The following ACSF3 variants were observed in gnomAD, a reference collection of about 807,000 sequenced individuals.
The protein encoded by ACSF3 is acyl-CoA synthetase family member 3.
Under a neutral mutation model 53.2 loss-of-function variants are expected in ACSF3, and 78 were observed. That is an observed-to-expected ratio of 1.47 (90% confidence interval 1.22 to 1.77). ACSF3 has a LOEUF of 1.77. ACSF3 is among the 40% of genes most tolerant of loss of function. The pLI is 0.00. For missense variants in ACSF3, 937 were observed against 771.1 expected, an observed-to-expected ratio of 1.22 and a Z score of -2.55; for synonymous variants, 414 against 333.1, an observed-to-expected ratio of 1.24 and a Z score of -2.65.
intron 8 of ACSF3, among the ~76,000 whole-genome samples, chr16:89,143,710 C>A (rs556428510): frequency 2.0e-5 from 3 of 152,142 alleles, no homozygotes; most frequent in Non-Finnish European, 4.4e-5. Flanking sequence ...ACCCCAGGGG[C>A]GCAGTGAGAC....
intron 7 of ACSF3, among the ~76,000 whole-genome samples, chr16:89,125,698 A>AAAGAG (rs373857710): frequency 1.3e-3 from 186 of 147,970 alleles, no homozygotes; most frequent in Non-Finnish European, 2.4e-3. Context: ...CAAAAAAAAA[A>AAAGAG]AGAGAGAGAG....
At chr16:89,118,909 C>T (rs982574607) in intron 6 of ACSF3, among the ~76,000 whole-genome samples, 12 of 152,218 alleles carry the variant, frequency 7.9e-5, no homozygotes, top group South Asian at 2.1e-4. Context: ...TTGGCCTTTG[C>T]GGGGCCAGCC....
intron 6 of ACSF3, among the ~76,000 whole-genome samples, chr16:89,116,589 G>A (rs1905154224): frequency 6.6e-6 from 1 of 152,234 alleles, no homozygotes; most frequent in Admixed American, 6.5e-5. Context: ...ATGGCAGCGA[G>A]ATCCTCAGCT....
chr16:89,117,723 C>T (rs1905422085), intron 6 of ACSF3, among the ~76,000 whole-genome samples: 1 of 152,034 alleles, frequency 6.6e-6, no homozygotes, highest in Non-Finnish European at 1.5e-5. Context: ...CCAGGGGAGG[C>T]TCAGCTTCCC....
intron 1 of ACSF3, among the ~76,000 whole-genome samples, chr16:89,094,973 G>A (rs1309110266): frequency 6.6e-6 from 1 of 152,256 alleles, no homozygotes; most frequent in Admixed American, 6.5e-5. Context: ...GCTAGAAAGG[G>A]AACACGTTTA....
rs1185708060 is a variant in ACSF3, at chr16:89,100,230, G to C, written c.-20-432G>C. 2.0e-5 allele frequency among the ~76,000 whole-genome samples: 3 copies of C among 152,268 alleles called. No homozygotes were observed. The South Asian group carries it at 6.2e-4, about 31-fold the overall frequency. On this transcript the variant is annotated intron_variant, in intron 2 of 10. Coordinates refer to ENST00000614302, the MANE Select transcript of ACSF3 (RefSeq NM_001243279.3). The stretch of plus-strand genomic sequence containing the variant: ...GAGGCAGCGCCGTGTCTGCCCCGGG[G>C]GCGGGGTCTCCAGGCCATGCCTGTT...
At chr16:89,136,036 C>T (rs1910391981) in intron 8 of ACSF3, among the ~76,000 whole-genome samples, 1 of 152,264 alleles carries the variant, frequency 6.6e-6, no homozygotes, top group African/African-American at 2.4e-5. Flanking sequence ...CGGCCTCCCA[C>T]AGTGCTGGGA....
intron 7 of ACSF3, among the ~76,000 whole-genome samples, chr16:89,130,646 G>A (rs141891468): frequency 5.9e-5 from 9 of 152,074 alleles, no homozygotes; most frequent in African/African-American, 9.7e-5. Context: ...ATCAGTGGGC[G>A]CAGGAACCCT....
intron 1 of ACSF3, among the ~76,000 whole-genome samples, chr16:89,097,178 C>T (rs976472697): frequency 6.6e-6 from 1 of 152,088 alleles, no homozygotes. Context: ...AGCGTGTGCT[C>T]AGCGTGTGGT....
At chr16:89,116,427 G>A (rs1597964847) in intron 6 of ACSF3, among the ~76,000 whole-genome samples, 1 of 152,350 alleles carries the variant, frequency 6.6e-6, no homozygotes, top group East Asian at 1.9e-4. Context: ...TGCAAGGTGA[G>A]TGTGAGGGCT....
chr16:89,106,676 C>T (rs991427079), intron 4 of ACSF3, among the ~76,000 whole-genome samples: 2 of 152,174 alleles, frequency 1.3e-5, no homozygotes, highest in Admixed American at 6.5e-5. Context: ...TCAGGGTTTT[C>T]CAACTTTAGG....
intron 10 of ACSF3, 147 bp from the exon 11 acceptor site, chr16:89,153,943 C>T (rs1193792931): frequency 1.2e-5 from 9 of 763,854 alleles, no homozygotes; most frequent in African/African-American, 5.2e-5. Context: ...TGCGGTGGCC[C>T]GGTGCACCTG....
chr16:89,133,491 G>T (rs1235148670), intron 8 of ACSF3, among the ~76,000 whole-genome samples: 1 of 152,160 alleles, frequency 6.6e-6, no homozygotes, highest in Non-Finnish European at 1.5e-5. Flanking sequence ...TCAGTGCCAG[G>T]GGCCCCAGTG....
chr16:89,134,906 A>G (rs912544842), intron 8 of ACSF3, among the ~76,000 whole-genome samples: 4 of 152,138 alleles, frequency 2.6e-5, no homozygotes, highest in African/African-American at 9.7e-5. Context: ...TAGTGGACGT[A>G]TGTCCATGGA....
At chr16:89,137,313 G>T (rs1328304947) in intron 8 of ACSF3, among the ~76,000 whole-genome samples, 1 of 150,296 alleles carries the variant, frequency 6.7e-6, no homozygotes, top group Non-Finnish European at 1.5e-5. Flanking sequence ...GGAGCTCACG[G>T]GGAAGGATTG....
intron 8 of ACSF3, 121 bp downstream of exon 8, chr16:89,133,383 A>G (rs1909741376): frequency 2.1e-6 from 3 of 1,408,194 alleles, no homozygotes; most frequent in Admixed American, 1.9e-5. Context: ...AAGGCAGAAG[A>G]TGGGGTGGAG....
At chr16:89,136,641 C>G (rs1433768157) in intron 8 of ACSF3, 3 of 1,287,100 alleles carry the variant, frequency 2.3e-6, no homozygotes, top group African/African-American at 3.0e-5. Context: ...CGAGGCCGGC[C>G]TGCAGCTCCC....
chr16:89,129,232 T>C (rs1310511733), intron 7 of ACSF3, among the ~76,000 whole-genome samples: 2 of 152,240 alleles, frequency 1.3e-5, no homozygotes, highest in African/African-American at 4.8e-5. Context: ...CTTGTTCTGT[T>C]ACTAAGTGAG....
intron 8 of ACSF3, 78 bp from the exon 9 acceptor site, chr16:89,145,189 G>T (rs1226258161): frequency 6.2e-7 from 1 of 1,613,366 alleles, no homozygotes; most frequent in East Asian, 2.2e-5. Context: ...AGGACGGCCA[G>T]TTAACCAGAG....
Sources: gnomAD v4.1 joint callset for allele counts (sites outside exome capture counted in the v4.1 genomes callset) on GRCh38, gnomAD v4.1.1 for gene constraint, MANE v1.5 for transcripts, NCBI Gene and HGNC (gene_info 2026-07-23, HGNC 2026-07-21) for gene names.